PTPRG: variants seen among roughly 807,000 people sequenced by gnomAD.
PTPRG encodes the protein protein tyrosine phosphatase receptor type G.
Under a neutral mutation model 165.3 loss-of-function variants are expected in PTPRG, and 102 were observed. The observed-to-expected ratio is 0.62, with a 90% CI of 0.53 to 0.73. The LOEUF (loss-of-function observed/expected upper bound fraction) is 0.73. Ranked by LOEUF, PTPRG falls within the 30% of genes least tolerant of loss-of-function variation. PTPRG has a pLI of 0.00. For missense variants in PTPRG, 1,866 were observed against 1,861.4 expected, an observed-to-expected ratio of 1.00 and a Z score of -0.05; for synonymous variants, 675 against 669.5, an observed-to-expected ratio of 1.01 and a Z score of -0.13.
At chr3:62,048,736 C>T (rs566036109) in intron 4 of PTPRG, among the ~76,000 whole-genome samples, 1 of 152,182 alleles carries the variant, frequency 6.6e-6, no homozygotes, top group Non-Finnish European at 1.5e-5. Flanking sequence ...TATTCTCTAT[C>T]TAGAATCATA....
chr3:62,201,470 T>G, intron 10 of PTPRG, 35 bp from the exon 11 acceptor site: 1 of 1,563,994 alleles, frequency 6.4e-7, no homozygotes, highest in Non-Finnish European at 8.7e-7. Flanking sequence ...ACAAAAAAAG[T>G]TATATTGCTT....
intron 14 of PTPRG, among the ~76,000 whole-genome samples, chr3:62,232,368 T>C (rs1363631022): frequency 1.3e-5 from 2 of 152,166 alleles, no homozygotes; most frequent in Non-Finnish European, 2.9e-5. Context: ...GATCCCTTTT[T>C]GCTTATTAAT....
chr3:61,942,677 C>A (rs2039661222), intron 2 of PTPRG, among the ~76,000 whole-genome samples: 1 of 152,152 alleles, frequency 6.6e-6, no homozygotes. Flanking sequence ...CAGCTATTAG[C>A]CAGAAGAGCT....
intron 2 of PTPRG, among the ~76,000 whole-genome samples, chr3:61,886,928 G>C (rs962752713): frequency 2.0e-5 from 3 of 148,296 alleles, no homozygotes; most frequent in African/African-American, 7.5e-5. Context: ...TTTTTTTTAA[G>C]TGAAGCTTTG....
intron 1 of PTPRG, among the ~76,000 whole-genome samples, chr3:61,695,169 C>T (rs752904957): frequency 6.6e-6 from 1 of 152,100 alleles, no homozygotes; most frequent in Non-Finnish European, 1.5e-5. Context: ...TGCTACCACG[C>T]CCAGTTAATT....
At chr3:61,888,100 T>G (rs2038101338) in intron 2 of PTPRG, among the ~76,000 whole-genome samples, 2 of 152,186 alleles carry the variant, frequency 1.3e-5, no homozygotes, top group South Asian at 4.1e-4. Context: ...TTGGAGTACC[T>G]TTGTATTATT....
intron 2 of PTPRG, among the ~76,000 whole-genome samples, chr3:61,762,071 C>G (rs768865392): frequency 3.9e-5 from 6 of 152,134 alleles, no homozygotes; most frequent in Non-Finnish European, 8.8e-5. Context: ...TGAGCGAAGG[C>G]ATTTTTAGTG....
chr3:62,257,636 T>A (rs1701569161), intron 16 of PTPRG, among the ~76,000 whole-genome samples: 2 of 152,142 alleles, frequency 1.3e-5, no homozygotes, highest in Admixed American at 1.3e-4. Flanking sequence ...ATGGTTCACC[T>A]TGACACCATC....
chr3:61,649,675 A>G lies in PTPRG; in HGVS notation c.85+87303A>G, dbSNP rs1478317191. ...AGGCTTCAAATCACAGCAGGGCTAA[A>G]TCAGCATAATATGACAACTTGGATT... On this transcript the variant is annotated intron_variant, in intron 1 of 29. Coordinates refer to ENST00000474889, the MANE Select transcript of PTPRG (RefSeq NM_002841.4). 3.9e-5 allele frequency among the ~76,000 whole-genome samples: 6 copies of G among 152,354 alleles called. No homozygotes were observed. In the East Asian group the frequency reaches 1.2e-3, roughly 29 times the overall value.
intron 1 of PTPRG, among the ~76,000 whole-genome samples, chr3:61,616,564 C>T (rs1424840232): frequency 6.6e-6 from 1 of 152,170 alleles, no homozygotes; most frequent in African/African-American, 2.4e-5. Context: ...TCAACTCCCT[C>T]AAACACCAAC....
intron 5 of PTPRG, among the ~76,000 whole-genome samples, chr3:62,081,240 G>A (rs1701562942): frequency 7.0e-6 from 1 of 143,254 alleles, no homozygotes; most frequent in African/African-American, 2.8e-5. Context: ...CTGGGCGACA[G>A]AGTGAGACTC....
chr3:61,970,231 T>G (rs2040352802), intron 2 of PTPRG, among the ~76,000 whole-genome samples: 1 of 152,126 alleles, frequency 6.6e-6, no homozygotes, highest in Non-Finnish European at 1.5e-5. Flanking sequence ...GAGAAACTCA[T>G]GAGGAGAAGG....
At position 61,890,412 on chromosome 3, in the gene PTPRG, G is replaced by GTTTTTTTTTTTTTTTTTTT. The variant is rs1388100597; in HGVS notation, c.191-99203_191-99202insTTTTTTTTTTTTTTTTTTT. 7.3e-4 allele frequency among the ~76,000 whole-genome samples: 70 copies of GTTTTTTTTTTTTTTTTTTT among 95,354 alleles called. 1 individual carries two copies. The highest frequency in any genetic ancestry group is 1.3e-3 in the African/African-American group (29 of 21,882). The allele number at this position is 95,354 out of a possible 152,430, so 62.6% of individuals were successfully genotyped here. A position where few individuals can be genotyped will look rare whatever the true frequency, so the allele number is the denominator to read the frequency against. ...GTTTTGGGCGGGTTTCTTGTTCTTT[G>GTTTTTTTTTTTTTTTTTTT]TTTTTTTTTTGTTTTTTTTTTTTTT... On this transcript the variant is annotated intron_variant, in intron 2 of 29. Transcript: ENST00000474889.
chr3:62,179,189 G>C (rs1705555293), intron 8 of PTPRG, among the ~76,000 whole-genome samples: 1 of 152,156 alleles, frequency 6.6e-6, no homozygotes, highest in African/African-American at 2.4e-5. Context: ...CCTGAAGCCT[G>C]AAAATCAAAG....
At chr3:61,656,650 T>G (rs1575568526) in intron 1 of PTPRG, among the ~76,000 whole-genome samples, 1 of 152,334 alleles carries the variant, frequency 6.6e-6, no homozygotes, top group Admixed American at 6.5e-5. Flanking sequence ...TTGCATTTGA[T>G]GGGTCTGTTG....
chr3:62,202,870 A>G (rs1232092755), intron 11 of PTPRG, among the ~76,000 whole-genome samples: 1 of 152,230 alleles, frequency 6.6e-6, no homozygotes, highest in Non-Finnish European at 1.5e-5. Flanking sequence ...GTCAGCTTTA[A>G]CACTACTTAG....
chr3:62,181,111 A>C (rs1705628532), intron 8 of PTPRG, among the ~76,000 whole-genome samples: 1 of 152,172 alleles, frequency 6.6e-6, no homozygotes, highest in Non-Finnish European at 1.5e-5. Context: ...TGTGTAGAAG[A>C]AAAGTCCGCA....
In PTPRG at chr3:62,252,554, G is replaced by T. The variant is rs1172516647; in HGVS notation, c.2468-2570G>T. On this transcript the variant is annotated intron_variant, in intron 15 of 29. Transcript: ENST00000474889. This position sits in a 1 kb window ranked among gnomAD's most constrained non-coding sequence, Gnocchi z 4.6. ...TAGGTGGAGATAGCATGTTTTGGAT[G>T]AATGTCTTCTTAAAACACACAGGGC... Among the ~76,000 whole-genome samples, 1 of 152,176 alleles carries T rather than the reference G, an allele frequency of 6.6e-6. No individual in the cohort carries two copies. Among genetic ancestry groups the T allele is most frequent in the Non-Finnish European group, 1.5e-5 (1 of 68,034 alleles).
At chr3:61,605,493 G>C (rs7640394) in intron 1 of PTPRG, among the ~76,000 whole-genome samples, 1 of 151,886 alleles carries the variant, frequency 6.6e-6, no homozygotes, top group South Asian at 2.1e-4. Context: ...GGACCTCAGG[G>C]GATCTGTCCA....
Sources: allele counts gnomAD v4.1 joint callset (sites outside exome capture counted in the v4.1 genomes callset), GRCh38; gene constraint gnomAD v4.1.1; non-coding constraint Gnocchi (gnomAD v3.1); transcripts MANE v1.5; gene names NCBI Gene and HGNC (gene_info 2026-07-23, HGNC 2026-07-21).